Variants in BMS1 observed in about 807,000 individuals in gnomAD.
BMS1 encodes ribosome biogenesis protein BMS1 homolog.
Under a neutral mutation model 138.7 loss-of-function variants are expected in BMS1, and 53 were observed. The ratio of observed to expected loss-of-function variants is 0.38; its 90% CI spans 0.31 to 0.48. BMS1 has a LOEUF of 0.48. Among genes scored for constraint, BMS1 ranks in the 20% least tolerant of loss-of-function variants. The pLI is 0.97. For synonymous variants in BMS1, 504 were observed against 539.9 expected (o/e 0.93, Z 0.92); for missense variants, 1,360 against 1,565.5 (o/e 0.87, Z 2.22).
chr10:42,795,579 C>T (rs569609111), intron 9 of BMS1, among the ~76,000 whole-genome samples: 6 of 151,924 alleles, frequency 3.9e-5, no homozygotes, highest in Admixed American at 6.6e-5. Context: ...CCTTGGCCTC[C>T]CAAAGTTCTG....
chr10:42,790,841 C>T (rs541971898), intron 5 of BMS1, among the ~76,000 whole-genome samples: 23 of 151,696 alleles, frequency 1.5e-4, no homozygotes, highest in African/African-American at 4.8e-4. Context: ...CACAGTGAGA[C>T]GCTTGTCTCA....
chr10:42,812,589 T>C (rs560068166), intron 13 of BMS1, among the ~76,000 whole-genome samples: 53 of 152,338 alleles, frequency 3.5e-4, no homozygotes, highest in Admixed American at 2.7e-3. Context: ...GTGTAGGAGA[T>C]GGCTGAACAC....
Position 42,816,608 on chromosome 10 carries a change from A to G in BMS1, c.2339A>G (p.Tyr780Cys), listed in dbSNP as rs1842356628. The change falls in exon 14 of 23, where the codon TAC becomes TGC. Residue 780 changes from tyrosine to cysteine, a missense_variant. Physicochemically the swap from Tyr to Cys is radical, Grantham distance 194 (BLOSUM62 -2). Transcript: ENST00000374518. ...AKVLAEDEEL[Y>C]GDFEDLETGD... ...GGTGTTCTTTTCCCAGAGGAGCTCT[A>G]CGGTGACTTTGAAGACTTGGAAACA... The G allele has an allele frequency of 6.2e-7, 1 of 1,610,810 alleles. No individual in the cohort carries two copies. The highest frequency in any genetic ancestry group is 1.1e-5 in the South Asian group (1 of 90,926).
Position 42,830,399 on chromosome 10 carries a change from A to G in BMS1, c.3595A>G (p.Ile1199Val), listed in dbSNP as rs141528123. Residue 1199 changes from isoleucine (I) to valine (V), a missense_variant, in exon 22 of 23, where the codon ATA becomes GTA. By Grantham distance (29) the Ile-to-Val change is conservative. Transcript: ENST00000374518. Reference protein sequence around the residue: ...VPKDRRRPAVIREPHERKILA... With the variant: ...VPKDRRRPAVVREPHERKILA... Reference sequence around the variant, plus strand: ...AAAGGACAGGCGGAGACCGGCCGTCATACGCGAGCCTCATGAAAGAAAGGT... The same window carrying G: ...AAAGGACAGGCGGAGACCGGCCGTCGTACGCGAGCCTCATGAAAGAAAGGT... The G allele has an allele frequency of 1.2e-6, 2 of 1,610,700 alleles. No homozygotes were observed. Among genetic ancestry groups the G allele is most frequent in the South Asian group, 2.2e-5 (2 of 90,264 alleles).
At position 42,803,817 on chromosome 10, in the gene BMS1, T is replaced by C. The variant is rs375251784; in HGVS notation, c.2329+1599T>C. Among the ~76,000 whole-genome samples the C allele has an allele frequency of 2.2e-4, 33 of 152,362 alleles. No individual in the cohort carries two copies. The East Asian group carries it at 5.8e-3, about 27-fold the overall frequency. On this transcript the variant is annotated intron_variant, in intron 13 of 22. Transcript: ENST00000374518. ...GTATACAATTTGATAAGCTTTGATA[T>C]GTGAATATACCATCACCACAATCAA...
chr10:42,816,450 C>A, intron 13 of BMS1, 149 bp from the exon 14 acceptor site: 1 of 543,752 alleles, frequency 1.8e-6, no homozygotes. Flanking sequence ...AAAGCATTCC[C>A]TAGTGCAAAG....
At chr10:42,807,698 G>A (rs567427588) in intron 13 of BMS1, among the ~76,000 whole-genome samples, 43 of 152,238 alleles carry the variant, frequency 2.8e-4, no homozygotes, top group Middle Eastern at 3.4e-3. Flanking sequence ...GTGTTGCTCA[G>A]GCTGATCTTG....
chr10:42,810,160 C>G (rs946770447), intron 13 of BMS1, among the ~76,000 whole-genome samples: 2 of 151,924 alleles, frequency 1.3e-5, no homozygotes, highest in African/African-American at 4.8e-5. Context: ...CTCACTTGAT[C>G]ATGAATGAAA....
chr10:42,791,832 A>G, intron 6 of BMS1, 63 bp downstream of exon 6: 2 of 1,532,940 alleles, frequency 1.3e-6, no homozygotes, highest in Non-Finnish European at 1.8e-6. Context: ...AAAGGCTAGA[A>G]AAAGAACAGT....
At chr10:42,797,274 C>T (rs766176521) in intron 10 of BMS1, 43 bp downstream of exon 10, 5 of 1,579,448 alleles carry the variant, frequency 3.2e-6, no homozygotes, top group Non-Finnish European at 4.3e-6. Flanking sequence ...ACTTGGCTCT[C>T]GAAATGGTAA....
chr10:42,815,099 T>C (rs1564425717), intron 13 of BMS1, among the ~76,000 whole-genome samples: 1 of 152,236 alleles, frequency 6.6e-6, no homozygotes, highest in Non-Finnish European at 1.5e-5. Context: ...TAATGTGTTA[T>C]CTTCTCTAGA....
At chr10:42,787,719 G>A (rs1841380274) in intron 4 of BMS1, among the ~76,000 whole-genome samples, 1 of 152,154 alleles carries the variant, frequency 6.6e-6, no homozygotes, top group African/African-American at 2.4e-5. Context: ...TAAGTAACTT[G>A]TGTGAAGTTG....
chr10:42,793,667 A>G (rs1841583888), intron 8 of BMS1, among the ~76,000 whole-genome samples, 185 bp from the exon 9 acceptor site: 1 of 152,220 alleles, frequency 6.6e-6, no homozygotes, highest in Admixed American at 6.5e-5. Flanking sequence ...AACTTTGGAA[A>G]AGTTTAATGG....
At position 42,792,544 on chromosome 10, in the gene BMS1, C is replaced by A; in HGVS notation, c.831C>A (p.Asp277Glu). The change falls in exon 7 of 23, where the codon GAC becomes GAA. Residue 277 changes from aspartate to glutamate, a missense_variant. Transcript: ENST00000374518. ...ATATCCGAACAAACATCAAATGTGA[C>A]CGGAAGGTGTCACTTTATGGTTATT... ...PEDIRTNIKC[D>E]RKVSLYGYLR... is the part of the protein sequence containing the mutation. 6.2e-7 allele frequency: 1 copy of A among 1,611,614 alleles called. No individual in the cohort carries two copies. Among genetic ancestry groups the A allele is most frequent in the Non-Finnish European group, 8.5e-7 (1 of 1,179,776 alleles).
At chr10:42,826,296 G>T (rs1842643167) in intron 21 of BMS1, among the ~76,000 whole-genome samples, 1 of 149,570 alleles carries the variant, frequency 6.7e-6, no homozygotes, top group African/African-American at 2.5e-5. Context: ...TTTGGCTTAG[G>T]TATTAAGGTG....
intron 13 of BMS1, among the ~76,000 whole-genome samples, chr10:42,802,514 T>C (rs1841901062): frequency 6.6e-6 from 1 of 152,060 alleles, no homozygotes; most frequent in Non-Finnish European, 1.5e-5. Flanking sequence ...CAAATAACAT[T>C]TATATTTTTT....
chr10:42,811,520 C>CTTTT (rs879940551), intron 13 of BMS1, among the ~76,000 whole-genome samples: 3,713 of 121,062 alleles, frequency 0.031, 485 homozygotes, highest in African/African-American at 0.058. Context: ...GTTGTATTTT[C>CTTTT]TTTTTCTTTT....
At chr10:42,813,179 C>T (rs1243304685) in intron 13 of BMS1, among the ~76,000 whole-genome samples, 2 of 152,114 alleles carry the variant, frequency 1.3e-5, no homozygotes, top group Non-Finnish European at 2.9e-5. Context: ...TACTTAGGTC[C>T]TTAAGTGAGT....
rs1330831432 is a variant in BMS1 at position 42,784,380 on chromosome 10, T to A, written c.-15T>A. On this transcript the variant is annotated 5_prime_UTR_variant, in exon 2 of 23. Transcript: ENST00000374518. Reference sequence around the variant, plus strand: ...CTTGTAGGTTAGAGTTACTTGTTATTGGTAAATAGCCACTATGGAGGCTAA... The same window carrying A: ...CTTGTAGGTTAGAGTTACTTGTTATAGGTAAATAGCCACTATGGAGGCTAA... The A allele has an allele frequency of 6.3e-7, 1 of 1,584,924 alleles. No homozygotes were observed. Among genetic ancestry groups the A allele is most frequent in the East Asian group, 2.2e-5 (1 of 44,644 alleles).
Sources: allele counts gnomAD v4.1 joint callset (sites outside exome capture counted in the v4.1 genomes callset), GRCh38; gene constraint gnomAD v4.1.1; transcripts MANE v1.5; gene names NCBI Gene and HGNC (gene_info 2026-07-23, HGNC 2026-07-21).